Variants in PPM1E observed in about 807,000 individuals in gnomAD.
PPM1E encodes the protein protein phosphatase, Mg2+/Mn2+ dependent 1E, also known as protein phosphatase 1E.
Under a neutral mutation model 65.9 loss-of-function variants are expected in PPM1E, and 20 were observed. The ratio of observed to expected loss-of-function variants is 0.30; its 90% CI spans 0.21 to 0.44. The LOEUF is 0.44. PPM1E is among the 20% of genes least tolerant of loss of function. The probability of loss-of-function intolerance (pLI) is 1.00; values close to 1 mark genes in which losing one functional copy is unlikely to be tolerated. For missense variants in PPM1E, 713 were observed against 953.1 expected (o/e 0.75, Z 3.32); for synonymous variants, 352 against 374.9 (o/e 0.94, Z 0.70).
chr17:58,842,790 T>C (rs1263894696), intron 1 of PPM1E, among the ~76,000 whole-genome samples: 2 of 151,708 alleles, frequency 1.3e-5, no homozygotes, highest in Admixed American at 1.3e-4. Context: ...AATACAAAAT[T>C]AGCCAGGTGT....
At chr17:58,826,797 T>G (rs1338785026) in intron 1 of PPM1E, among the ~76,000 whole-genome samples, 1 of 151,854 alleles carries the variant, frequency 6.6e-6, no homozygotes, top group Non-Finnish European at 1.5e-5. Flanking sequence ...GGCTAATTTT[T>G]TTTTTGTATT....
At chr17:58,865,993 G>A (rs865893146) in intron 1 of PPM1E, among the ~76,000 whole-genome samples, 1 of 152,186 alleles carries the variant, frequency 6.6e-6, no homozygotes, top group South Asian at 2.1e-4. Flanking sequence ...GATTTCTTAT[G>A]TAAACTTTAA....
intron 1 of PPM1E, among the ~76,000 whole-genome samples, chr17:58,791,661 G>A (rs1222819456): frequency 6.6e-6 from 1 of 152,132 alleles, no homozygotes; most frequent in Non-Finnish European, 1.5e-5. Context: ...ACCCAGGATC[G>A]ATGTGAATAG....
intron 1 of PPM1E, among the ~76,000 whole-genome samples, chr17:58,794,756 T>C (rs1347209824): frequency 6.6e-6 from 1 of 152,218 alleles, no homozygotes; most frequent in Non-Finnish European, 1.5e-5. Flanking sequence ...TTCTTTTTTA[T>C]GGCTGCATAG....
chr17:58,787,093 C>T (rs969379865), intron 1 of PPM1E, among the ~76,000 whole-genome samples: 1 of 152,130 alleles, frequency 6.6e-6, no homozygotes, highest in Non-Finnish European at 1.5e-5. Context: ...GGCAATGTGC[C>T]AAATAGTTGT....
At chr17:58,937,892 AAAAG>A (rs1555621157) in intron 1 of PPM1E, among the ~76,000 whole-genome samples, 1 of 129,774 alleles carries the variant, frequency 7.7e-6, no homozygotes, top group South Asian at 2.4e-4. Context: ...AAAAAAAAAA[AAAAG>A]AAAGAAAGAA....
intron 1 of PPM1E, among the ~76,000 whole-genome samples, chr17:58,830,117 A>G (rs1306217796): frequency 1.3e-5 from 2 of 152,064 alleles, no homozygotes; most frequent in African/African-American, 4.8e-5. Flanking sequence ...TGAGGCTGCA[A>G]TGAACTCTGA....
intron 1 of PPM1E, among the ~76,000 whole-genome samples, chr17:58,862,915 T>C (rs1480526434): frequency 2.0e-5 from 3 of 152,220 alleles, no homozygotes; most frequent in African/African-American, 7.2e-5. Context: ...TTTGGAGCTT[T>C]ATGTTGAGCT....
chr17:58,879,501 C>CTTTTTTTTTT (rs71367639), intron 1 of PPM1E, among the ~76,000 whole-genome samples: 1 of 88,788 alleles, frequency 1.1e-5, no homozygotes, highest in African/African-American at 4.6e-5. Flanking sequence ...CTGAGATTAA[C>CTTTTTTTTTT]TTTTTTTTTT....
At chr17:58,972,580 A>G (rs1215480447) in intron 5 of PPM1E, among the ~76,000 whole-genome samples, 1 of 152,096 alleles carries the variant, frequency 6.6e-6, no homozygotes, top group Non-Finnish European at 1.5e-5. Flanking sequence ...TGAACTCCTG[A>G]CTTCAGGTGA....
chr17:58,880,048 A>C (rs907569191), intron 1 of PPM1E, among the ~76,000 whole-genome samples: 2 of 152,246 alleles, frequency 1.3e-5, no homozygotes, highest in South Asian at 2.1e-4. Flanking sequence ...AGTTACAGTC[A>C]ATCACTGGTA....
chr17:58,945,873 A>G (rs913306346), intron 1 of PPM1E, among the ~76,000 whole-genome samples: 2 of 152,174 alleles, frequency 1.3e-5, no homozygotes, highest in Non-Finnish European at 2.9e-5. Flanking sequence ...GAGGTGGGGT[A>G]TGCCACCCTT....
chr17:58,973,384 G>A (rs1287502629), intron 6 of PPM1E, among the ~76,000 whole-genome samples: 8 of 149,344 alleles, frequency 5.4e-5, no homozygotes, highest in Non-Finnish European at 7.4e-5. Context: ...GCCATTGCAC[G>A]CCAGCCTGGG....
intron 1 of PPM1E, among the ~76,000 whole-genome samples, chr17:58,937,879 CA>C (rs1226139023): frequency 7.0e-4 from 58 of 82,940 alleles, no homozygotes; most frequent in South Asian, 1.3e-3. Flanking sequence ...GACTCCATCT[CA>C]AAAAAAAAAA....
At chr17:58,913,535 T>C (rs2051652064) in intron 1 of PPM1E, among the ~76,000 whole-genome samples, 1 of 152,130 alleles carries the variant, frequency 6.6e-6, no homozygotes, top group African/African-American at 2.4e-5. Context: ...AGTAGTGTAA[T>C]AAACGTAGAG....
At chr17:58,756,611 G>T (rs2049768342) in intron 1 of PPM1E, 150 bp downstream of exon 1, 2 of 1,011,406 alleles carry the variant, frequency 2.0e-6, no homozygotes, top group Non-Finnish European at 2.6e-6. Flanking sequence ...CCCGCTGCTC[G>T]GACCCGGGCG....
intron 1 of PPM1E, among the ~76,000 whole-genome samples, chr17:58,912,831 A>T (rs902862990): frequency 2.2e-4 from 34 of 152,158 alleles, no homozygotes; most frequent in African/African-American, 8.2e-4. Flanking sequence ...TGAGTTGGTA[A>T]CCAGTGGCTA....
chr17:58,809,531 G>T (rs545317864), intron 1 of PPM1E, among the ~76,000 whole-genome samples: 10 of 152,070 alleles, frequency 6.6e-5, no homozygotes, highest in Non-Finnish European at 1.3e-4. Context: ...CTATAGACAT[G>T]CTCCACAAGG....
chr17:58,889,090 C>A (rs1266666517), intron 1 of PPM1E, among the ~76,000 whole-genome samples: 2 of 152,054 alleles, frequency 1.3e-5, no homozygotes, highest in Admixed American at 6.6e-5. Flanking sequence ...GTTAAAAAGT[C>A]TTTATCAAGA....
Sources: gnomAD v4.1 joint callset for allele counts (sites outside exome capture counted in the v4.1 genomes callset) on GRCh38, gnomAD v4.1.1 for gene constraint, MANE v1.5 for transcripts, NCBI Gene and HGNC (gene_info 2026-07-23, HGNC 2026-07-21) for gene names.